Variants in P2RY6 observed in about 807,000 individuals in gnomAD.
P2RY6 encodes pyrimidinergic receptor P2Y6, also known as P2Y purinoceptor 6.
Under a neutral mutation model 16.3 loss-of-function variants are expected in P2RY6, and 19 were observed. That is an observed-to-expected ratio of 1.16 (90% CI 0.81 to 1.71). The LOEUF (loss-of-function observed/expected upper bound fraction) is 1.71, where lower values mean the gene tolerates loss of function less well. Ranked by LOEUF, P2RY6 falls within the 40% of genes most tolerant of loss-of-function variation. The pLI, the probability that P2RY6 is intolerant of heterozygous loss-of-function variation, is 0.00. For synonymous variants in P2RY6, 184 were observed against 201.5 expected, an observed-to-expected ratio of 0.91 and a Z score of 0.74; for missense variants, 389 against 455.5, an observed-to-expected ratio of 0.85 and a Z score of 1.33.
chr11:73,272,593 C>T (rs1029947883), intron 1 of P2RY6, 127 bp downstream of exon 1: 15 of 759,834 alleles, frequency 2.0e-5, no homozygotes, highest in Non-Finnish European at 2.1e-5. Context: ...GTAGGGCAGG[C>T]ACTGGGGTCC....
intron 1 of P2RY6, among the ~76,000 whole-genome samples, chr11:73,285,369 C>T (rs905049732): frequency 1.3e-5 from 2 of 152,240 alleles, no homozygotes; most frequent in South Asian, 2.1e-4. Flanking sequence ...CCACCACACC[C>T]GGCCTGTCCT....
At chr11:73,289,647 G>A (rs544215626) in intron 1 of P2RY6, among the ~76,000 whole-genome samples, 6 of 152,218 alleles carry the variant, frequency 3.9e-5, no homozygotes, top group Non-Finnish European at 7.3e-5. Context: ...GTCCTCTGGC[G>A]CCATCTCATG....
At chr11:73,269,719 A>G (rs992579972), upstream of P2RY6, among the ~76,000 whole-genome samples, 1 of 152,210 alleles carries the variant, frequency 6.6e-6, no homozygotes, top group Non-Finnish European at 1.5e-5. Flanking sequence ...ACAAGCCCCC[A>G]GGCAGACACT....
intron 1 of P2RY6, among the ~76,000 whole-genome samples, chr11:73,281,622 A>G (rs1863766951): frequency 6.6e-6 from 1 of 151,992 alleles, no homozygotes; most frequent in African/African-American, 2.4e-5. Context: ...TTAGAACTCC[A>G]CCCCTCACCA....
Position 73,293,532 on chromosome 11 carries a change from G to A in P2RY6, c.-120-2198G>A, listed in dbSNP as rs75897268. ...CCAAAAGCTAGTGACAGATGTCAGC[G>A]CCAAGGTCAGCTGCTGCCTGGAGGT... On this transcript the variant is annotated intron_variant, in intron 1 of 2. Transcript: ENST00000540124. Among the ~76,000 whole-genome samples, 331 of 152,290 alleles carry A rather than the reference G, an allele frequency of 2.2e-3. 2 individuals are homozygous for A. In the East Asian group the frequency reaches 0.034, roughly 16 times the overall value.
At chr11:73,265,024 C>T (rs1299818250) in intron 1 of P2RY6, among the ~76,000 whole-genome samples, 2 of 152,196 alleles carry the variant, frequency 1.3e-5, no homozygotes, top group Admixed American at 6.5e-5. Flanking sequence ...CAGGGGTCCA[C>T]GGTGCATGTA....
Position 73,298,306 on chromosome 11 carries a change from G to C in P2RY6, c.*801G>C, listed in dbSNP as rs1864593215. 6.0e-6 allele frequency: 1 copy of C among 167,206 alleles called. No homozygotes were observed. Among genetic ancestry groups the C allele is most frequent in the Admixed American group, 6.5e-5 (1 of 15,290 alleles). The allele number at this position is 167,206 out of a possible 1,614,324, so 10.4% of individuals were successfully genotyped here. On this transcript the variant is annotated 3_prime_UTR_variant, in exon 3 of 3. Transcript: ENST00000540124. ...CAGCCTCGTGCTGGGCTCTGCCCTGGGCAGACAGGCAGAGGGCCAGAGCAG... is the reference window on the plus strand; with the variant it reads ...CAGCCTCGTGCTGGGCTCTGCCCTGCGCAGACAGGCAGAGGGCCAGAGCAG...
chr11:73,266,596 ACTT>A (rs1323738947), intron 1 of P2RY6, among the ~76,000 whole-genome samples: 2 of 152,240 alleles, frequency 1.3e-5, no homozygotes, highest in African/African-American at 4.8e-5. Flanking sequence ...TGGGGCTAAA[ACTT>A]CTGCATTGGC....
upstream of P2RY6, among the ~76,000 whole-genome samples, chr11:73,269,021 A>G (rs1863197448): frequency 6.6e-6 from 1 of 152,204 alleles, no homozygotes; most frequent in East Asian, 1.9e-4. Flanking sequence ...CTGAACTGTG[A>G]GCCCAGCCCA....
intron 1 of P2RY6, among the ~76,000 whole-genome samples, chr11:73,281,433 C>A (rs1270736783): frequency 6.6e-6 from 1 of 152,224 alleles, no homozygotes; most frequent in Admixed American, 6.5e-5. Context: ...GGCCCAGGGT[C>A]CTCCATCCAA....
At chr11:73,289,842 T>C (rs565090217) in intron 1 of P2RY6, among the ~76,000 whole-genome samples, 54 of 152,330 alleles carry the variant, frequency 3.5e-4, no homozygotes, top group African/African-American at 1.3e-3. Context: ...CTTAGTTTCT[T>C]CGTCTATAAA....
At chr11:73,290,303 A>AAAGAAAGAAAGAAAGAAAG (rs1260016714) in intron 1 of P2RY6, among the ~76,000 whole-genome samples, 2 of 113,042 alleles carry the variant, frequency 1.8e-5, no homozygotes, top group Non-Finnish European at 3.6e-5. Flanking sequence ...AGAAAGAAAG[A>AAAGAAAGAAAGAAAGAAAG]AAAGAAAGAA....
intron 1 of P2RY6, among the ~76,000 whole-genome samples, chr11:73,288,112 C>T (rs1014280246): frequency 6.6e-6 from 1 of 152,228 alleles, no homozygotes; most frequent in Admixed American, 6.5e-5. Flanking sequence ...AAAGTGGAAA[C>T]AGTAGTTGTG....
intron 1 of P2RY6, among the ~76,000 whole-genome samples, chr11:73,274,399 A>G (rs112041103): frequency 7.2e-5 from 11 of 152,248 alleles, no homozygotes; most frequent in African/African-American, 2.2e-4. Context: ...GAGCAACTAC[A>G]ATGTGTCAAG....
intron 1 of P2RY6, among the ~76,000 whole-genome samples, chr11:73,282,522 G>T (rs908740104): frequency 1.3e-5 from 2 of 152,114 alleles, no homozygotes; most frequent in African/African-American, 4.8e-5. Context: ...TCTCCAGCAG[G>T]TCTCTCTGCC....
upstream of P2RY6, among the ~76,000 whole-genome samples, chr11:73,271,079 G>A (rs765305980): frequency 5.3e-5 from 8 of 152,180 alleles, no homozygotes; most frequent in Non-Finnish European, 8.8e-5. Context: ...AACATTACCC[G>A]AACAGAGTAG....
intron 1 of P2RY6, among the ~76,000 whole-genome samples, chr11:73,275,168 C>T (rs1863487400): frequency 2.0e-5 from 3 of 152,272 alleles, no homozygotes; most frequent in Admixed American, 6.5e-5. Context: ...CCAGCTCTCC[C>T]CTTAGGAACT....
At chr11:73,296,233 A>AAATATATATATATATATAT (rs57187973) in intron 2 of P2RY6, among the ~76,000 whole-genome samples, 1 of 124,512 alleles carries the variant, frequency 8.0e-6, no homozygotes, top group African/African-American at 3.5e-5. Context: ...GAAAAAAAAA[A>AAATATATATATATATATAT]ATATATATAT....
chr11:73,283,516 A>T, intron 1 of P2RY6, among the ~76,000 whole-genome samples: 1 of 152,102 alleles, frequency 6.6e-6, no homozygotes, highest in South Asian at 2.1e-4. Context: ...GTGCTCAGGG[A>T]CGTCAAGCCC....
Sources: allele counts gnomAD v4.1 joint callset (sites outside exome capture counted in the v4.1 genomes callset), GRCh38; gene constraint gnomAD v4.1.1; transcripts MANE v1.5; gene names NCBI Gene and HGNC (gene_info 2026-07-23, HGNC 2026-07-21).